Variants in SGCD observed in about 807,000 individuals in gnomAD.
SGCD encodes delta-sarcoglycan.
Under a neutral mutation model 36.6 loss-of-function variants are expected in SGCD, and 18 were observed. The ratio of observed to expected loss-of-function variants is 0.49; its 90% CI spans 0.34 to 0.73. The LOEUF is 0.73. Ranked by LOEUF, SGCD falls within the 30% of genes least tolerant of loss-of-function variation. The pLI, the probability that SGCD is intolerant of heterozygous loss-of-function variation, is 0.01. For missense variants in SGCD, 387 were observed against 346.7 expected, an observed-to-expected ratio of 1.12 and a Z score of -0.92; for synonymous variants, 133 against 130.6, an observed-to-expected ratio of 1.02 and a Z score of -0.12.
At chr5:156,607,839 G>A (rs1316086607) in intron 6 of SGCD, among the ~76,000 whole-genome samples, 1 of 152,184 alleles carries the variant, frequency 6.6e-6, no homozygotes, top group Non-Finnish European at 1.5e-5. Context: ...GTGTAGAGGT[G>A]TTTATATTAT....
intron 5 of SGCD, among the ~76,000 whole-genome samples, chr5:156,593,548 C>G (rs1760809652): frequency 6.6e-6 from 1 of 152,122 alleles, no homozygotes; most frequent in Non-Finnish European, 1.5e-5. Flanking sequence ...CCTGGTCTGT[C>G]TTTGTTCTAG....
chr5:156,406,357 C>T (rs1772407444), intron 3 of SGCD, among the ~76,000 whole-genome samples: 1 of 152,150 alleles, frequency 6.6e-6, no homozygotes, highest in South Asian at 2.1e-4. Flanking sequence ...CTTCCATCCT[C>T]ATTCCTGCAG....
intron 1 of SGCD, among the ~76,000 whole-genome samples, chr5:155,904,980 C>T (rs1266652870): frequency 1.3e-5 from 2 of 152,172 alleles, no homozygotes; most frequent in African/African-American, 4.8e-5. Flanking sequence ...TGGATCATAG[C>T]CATTCAACAA....
At chr5:156,107,417 A>G (rs995562158) in intron 1 of SGCD, among the ~76,000 whole-genome samples, 6 of 152,182 alleles carry the variant, frequency 3.9e-5, no homozygotes, top group Non-Finnish European at 5.9e-5. Flanking sequence ...AAGTCTCTGT[A>G]TAGTTAGCTA....
chr5:155,895,805 A>G (rs1489209009), intron 1 of SGCD, among the ~76,000 whole-genome samples: 1 of 152,228 alleles, frequency 6.6e-6, no homozygotes, highest in Non-Finnish European at 1.5e-5. Flanking sequence ...AAGCAGGAGC[A>G]CATTGCAAGG....
rs1025354188 is a variant in SGCD, at chr5:156,227,867, T to G, written c.-43-101667T>G. 2.4e-4 allele frequency among the ~76,000 whole-genome samples: 37 copies of G among 152,250 alleles called. 1 individual carries two copies. Among genetic ancestry groups the G allele is most frequent in the African/African-American group, 8.4e-4 (35 of 41,558 alleles). On this transcript the variant is annotated intron_variant, in intron 3 of 9. Transcript: ENST00000517913. ...ACTATTGTCTTTCAGTTTGGAGAAT[T>G]TTTTAATTTCCGTCTTGATTTCGTT...
At chr5:156,272,607 C>G (rs948266698) in intron 3 of SGCD, among the ~76,000 whole-genome samples, 1 of 152,184 alleles carries the variant, frequency 6.6e-6, no homozygotes, top group African/African-American at 2.4e-5. Flanking sequence ...CATAGGCACT[C>G]AGCTCCAAAG....
chr5:155,786,076 G>C, the SGCD span, among the ~76,000 whole-genome samples: 2 of 152,120 alleles, frequency 1.3e-5, no homozygotes, highest in African/African-American at 4.8e-5. Flanking sequence ...TGCTGCTTAG[G>C]AAATGTTCAA....
intron 1 of SGCD, among the ~76,000 whole-genome samples, chr5:155,959,539 A>G (rs1356205394): frequency 6.6e-6 from 1 of 152,104 alleles, no homozygotes; most frequent in Non-Finnish European, 1.5e-5. Flanking sequence ...TGGTTTAGAA[A>G]GCCTTATGTT....
At chr5:155,936,957 C>G (rs1010212644) in intron 1 of SGCD, among the ~76,000 whole-genome samples, 1 of 152,164 alleles carries the variant, frequency 6.6e-6, no homozygotes, top group Non-Finnish European at 1.5e-5. Flanking sequence ...CAGGCTGCAA[C>G]AGCACCCAGG....
At chr5:155,931,946 C>G (rs959100547) in intron 1 of SGCD, among the ~76,000 whole-genome samples, 1 of 152,172 alleles carries the variant, frequency 6.6e-6, no homozygotes, top group Non-Finnish European at 1.5e-5. Flanking sequence ...ATAAATGGTG[C>G]CTTCTCCCTG....
intron 4 of SGCD, among the ~76,000 whole-genome samples, chr5:156,515,210 C>T (rs1757106735): frequency 7.0e-6 from 1 of 143,864 alleles, no homozygotes; most frequent in Admixed American, 6.9e-5. Flanking sequence ...GCATTCTTGG[C>T]ACAGTCTTTC....
intron 7 of SGCD, among the ~76,000 whole-genome samples, chr5:156,689,510 G>A (rs1198805507): frequency 6.6e-6 from 1 of 152,186 alleles, no homozygotes; most frequent in Non-Finnish European, 1.5e-5. Flanking sequence ...AAGGGGGAAA[G>A]TGGTACTTGA....
chr5:155,733,276 T>C, the SGCD span, among the ~76,000 whole-genome samples: 1 of 152,266 alleles, frequency 6.6e-6, no homozygotes, highest in East Asian at 1.9e-4. Flanking sequence ...AGTGCCTCAT[T>C]CTGCAAGTAA....
chr5:156,322,887 A>T (rs1387686691), upstream of SGCD, among the ~76,000 whole-genome samples: 1 of 152,178 alleles, frequency 6.6e-6, no homozygotes, highest in Non-Finnish European at 1.5e-5. Context: ...GTGCAATCAG[A>T]TTTATGTTTT....
intron 3 of SGCD, among the ~76,000 whole-genome samples, chr5:156,420,517 A>T (rs950988664): frequency 2.6e-5 from 4 of 151,904 alleles, no homozygotes; most frequent in African/African-American, 9.7e-5. Context: ...AGGACTGTTA[A>T]TTTTTTTTGC....
At chr5:156,201,217 A>T (rs1406481693) in intron 3 of SGCD, among the ~76,000 whole-genome samples, 5 of 152,190 alleles carry the variant, frequency 3.3e-5, no homozygotes. Context: ...TAAAACAGTA[A>T]ATTTAATGCT....
chr5:156,469,273 A>C (rs1186864597), intron 3 of SGCD, among the ~76,000 whole-genome samples: 1 of 152,170 alleles, frequency 6.6e-6, no homozygotes, highest in Non-Finnish European at 1.5e-5. Flanking sequence ...CCACTTCTCA[A>C]AGATCCATGA....
At chr5:155,843,835 A>G in the SGCD span, among the ~76,000 whole-genome samples, 2 of 152,204 alleles carry the variant, frequency 1.3e-5, no homozygotes, top group Admixed American at 6.5e-5. Context: ...TCTTGGTCCC[A>G]GGATTTTACA....
Sources: allele counts gnomAD v4.1 joint callset (sites outside exome capture counted in the v4.1 genomes callset), GRCh38; gene constraint gnomAD v4.1.1; transcripts MANE v1.5; gene names NCBI Gene and HGNC (gene_info 2026-07-23, HGNC 2026-07-21).